Variants in RSRC1 observed in about 807,000 individuals in gnomAD.
RSRC1 encodes serine/Arginine-related protein 53.
Under a neutral mutation model 49.1 loss-of-function variants are expected in RSRC1, and 39 were observed. The ratio of observed to expected loss-of-function variants is 0.79; its 90% CI spans 0.61 to 1.04. RSRC1 has a LOEUF of 1.04. Ranked by LOEUF, RSRC1 falls within the 50% of genes least tolerant of loss-of-function variation. The pLI is 0.00. For missense variants in RSRC1, 388 were observed against 402.4 expected (o/e 0.96, Z 0.31); for synonymous variants, 143 against 130.8 (o/e 1.09, Z -0.63).
chr3:158,361,283 A>C (rs917612785), intron 6 of RSRC1, among the ~76,000 whole-genome samples: 1 of 152,210 alleles, frequency 6.6e-6, no homozygotes, highest in East Asian at 1.9e-4. Flanking sequence ...CAGGTCCTCG[A>C]ATTGGGCACC....
intron 6 of RSRC1, among the ~76,000 whole-genome samples, chr3:158,357,687 G>T (rs1731231942): frequency 1.3e-5 from 2 of 152,104 alleles, no homozygotes; most frequent in African/African-American, 4.8e-5. Context: ...GACCTGTCTG[G>T]TAAGTTTTGC....
chr3:158,276,209 T>C, intron 4 of RSRC1: 1 of 791,960 alleles, frequency 1.3e-6, no homozygotes. Context: ...CTGGGCATTT[T>C]CGGCCACCAT....
intron 5 of RSRC1, among the ~76,000 whole-genome samples, chr3:158,344,343 A>G (rs530148564): frequency 2.7e-4 from 41 of 152,340 alleles, no homozygotes; most frequent in African/African-American, 9.4e-4. Context: ...TATGGAAAGG[A>G]AAGTCTTAAA....
At chr3:158,366,323 A>G (rs896457168) in intron 6 of RSRC1, among the ~76,000 whole-genome samples, 7 of 152,148 alleles carry the variant, frequency 4.6e-5, no homozygotes, top group Non-Finnish European at 1.0e-4. Context: ...TACTTTTTGC[A>G]TAAGATGTAA....
intron 4 of RSRC1, among the ~76,000 whole-genome samples, chr3:158,286,388 A>G (rs756966266): frequency 6.6e-6 from 1 of 152,192 alleles, no homozygotes; most frequent in African/African-American, 2.4e-5. Flanking sequence ...ACATGTCTTT[A>G]TGATAAAATC....
At chr3:158,320,486 A>G (rs977344874) in intron 5 of RSRC1, among the ~76,000 whole-genome samples, 3 of 152,214 alleles carry the variant, frequency 2.0e-5, no homozygotes, top group Non-Finnish European at 4.4e-5. Context: ...TTAATAAACT[A>G]TTCAACTAAC....
rs941133158 is a variant in RSRC1 at position 158,110,131 on chromosome 3, G to A, written c.-95G>A. 1 of 152,262 alleles carries A rather than the reference G, an allele frequency of 6.6e-6. No individual in the cohort carries two copies. The highest frequency in any genetic ancestry group is 2.4e-5 in the African/African-American group (1 of 41,454). 9.4% of individuals were successfully genotyped at this position (152,262 alleles called of 1,614,324 possible). ...GAGCTTAAACTGAAGCAAGTTCGGT[G>A]GACGCCGGCGGCGCCCTGATCTAAA... On this transcript the variant is annotated 5_prime_UTR_variant, in exon 1 of 10. Coordinates refer to ENST00000611884, the MANE Select transcript of RSRC1 (RefSeq NM_001271838.2).
intron 3 of RSRC1, among the ~76,000 whole-genome samples, chr3:158,181,649 G>C (rs1719630837): frequency 6.6e-6 from 1 of 152,180 alleles, no homozygotes; most frequent in Admixed American, 6.5e-5. Flanking sequence ...TAGTGTTATT[G>C]TAACTTATCT....
At chr3:158,485,519 T>C (rs1305720382) in intron 7 of RSRC1, among the ~76,000 whole-genome samples, 1 of 152,134 alleles carries the variant, frequency 6.6e-6, no homozygotes, top group Non-Finnish European at 1.5e-5. Context: ...TTAAGTCTTT[T>C]CCTGTGAATT....
At chr3:158,412,514 G>A (rs953201656) in intron 6 of RSRC1, among the ~76,000 whole-genome samples, 2 of 152,008 alleles carry the variant, frequency 1.3e-5, no homozygotes, top group African/African-American at 4.8e-5. Flanking sequence ...CATATTAAGT[G>A]TTCTTTTTAT....
intron 4 of RSRC1, among the ~76,000 whole-genome samples, chr3:158,286,489 A>G (rs1328077946): frequency 1.3e-5 from 2 of 152,220 alleles, no homozygotes; most frequent in Admixed American, 6.5e-5. Context: ...AATCTCTGAG[A>G]AGGTCAGTTC....
At chr3:158,513,294 A>G (rs893413042) in intron 7 of RSRC1, among the ~76,000 whole-genome samples, 3 of 151,666 alleles carry the variant, frequency 2.0e-5, no homozygotes, top group Non-Finnish European at 4.4e-5. Flanking sequence ...CGTCCCATCA[A>G]TACCCAATTT....
intron 5 of RSRC1, chr3:158,336,424 T>C (rs73170310): frequency 0.22 from 33,920 of 153,958 alleles, 4,351 homozygotes; most frequent in Non-Finnish European, 0.29. Context: ...TGCCAGGAAA[T>C]TCTTTGACCC....
At chr3:158,193,722 C>T (rs1015468357) in intron 3 of RSRC1, among the ~76,000 whole-genome samples, 5 of 151,720 alleles carry the variant, frequency 3.3e-5, no homozygotes, top group Non-Finnish European at 5.9e-5. Context: ...CGTATTTACA[C>T]GTAATAGAAA....
chr3:158,225,101 C>T (rs915203782), intron 4 of RSRC1, among the ~76,000 whole-genome samples: 1 of 151,754 alleles, frequency 6.6e-6, no homozygotes, highest in Admixed American at 6.6e-5. Context: ...TTTCCTCTGC[C>T]TCAGTACAAA....
At chr3:158,435,842 G>T (rs1476284357) in intron 6 of RSRC1, among the ~76,000 whole-genome samples, 1 of 151,648 alleles carries the variant, frequency 6.6e-6, no homozygotes, top group East Asian at 1.9e-4. Context: ...ACTAGAAGAT[G>T]TGTGTTTTAT....
chr3:158,275,229 C>G (rs372303387), intron 4 of RSRC1, among the ~76,000 whole-genome samples: 6 of 152,288 alleles, frequency 3.9e-5, no homozygotes, highest in Admixed American at 1.3e-4. Flanking sequence ...GGCACTGAAC[C>G]AGGAGCTTTC....
intron 6 of RSRC1, among the ~76,000 whole-genome samples, chr3:158,355,147 T>C (rs996926682): frequency 6.6e-6 from 1 of 151,984 alleles, no homozygotes; most frequent in African/African-American, 2.4e-5. Flanking sequence ...TTGGCTTCAG[T>C]TTTAGTTTTT....
chr3:158,157,146 T>G (rs1717926174), intron 3 of RSRC1, among the ~76,000 whole-genome samples: 1 of 152,196 alleles, frequency 6.6e-6, no homozygotes, highest in Non-Finnish European at 1.5e-5. Flanking sequence ...AGCAGAGTTG[T>G]AAAAGTGAAG....
Sources: allele counts gnomAD v4.1 joint callset (sites outside exome capture counted in the v4.1 genomes callset), GRCh38; gene constraint gnomAD v4.1.1; transcripts MANE v1.5; gene names NCBI Gene and HGNC (gene_info 2026-07-23, HGNC 2026-07-21).